The following SNTG2 variants were observed in gnomAD, a reference collection of about 807,000 sequenced individuals.
SNTG2 encodes the protein gamma-2-syntrophin.
A neutral mutation model predicts 70.9 loss-of-function variants in SNTG2; 74 were observed. The ratio of observed to expected loss-of-function variants is 1.04; its 90% CI spans 0.86 to 1.27. The LOEUF (loss-of-function observed/expected upper bound fraction) is 1.27, where lower values mean the gene tolerates loss of function less well. Among genes scored for constraint, SNTG2 ranks in the 50% most tolerant of loss-of-function variants. SNTG2 has a pLI of 0.00. For missense variants in SNTG2, 717 were observed against 690.7 expected (o/e 1.04, Z -0.43); for synonymous variants, 278 against 273.8 (o/e 1.02, Z -0.15).
chr2:1,033,361 A>G (rs955403146), intron 1 of SNTG2, among the ~76,000 whole-genome samples: 1 of 152,158 alleles, frequency 6.6e-6, no homozygotes, highest in African/African-American at 2.4e-5. Flanking sequence ...GTTGCTGGTC[A>G]GATCCAATTC....
At chr2:1,149,030 C>T (rs890572439) in intron 6 of SNTG2, among the ~76,000 whole-genome samples, 1 of 152,154 alleles carries the variant, frequency 6.6e-6, no homozygotes, top group Non-Finnish European at 1.5e-5. Context: ...GAGTGTACCC[C>T]AGGGTTACAA....
At chr2:1,103,347 T>G (rs989886059) in intron 4 of SNTG2, 3 of 274,374 alleles carry the variant, frequency 1.1e-5, no homozygotes, top group Non-Finnish European at 2.2e-5. Context: ...TTCAATTCAT[T>G]AACCTTTCAA....
intron 1 of SNTG2, among the ~76,000 whole-genome samples, chr2:1,021,936 C>CTTTTT (rs71392556): frequency 0.013 from 1,579 of 121,056 alleles, 40 homozygotes; most frequent in South Asian, 0.029. Context: ...GTTTTATGTG[C>CTTTTT]TTTTTTTTTT....
At chr2:1,362,910 G>T (rs1336756705) in intron 16 of SNTG2, among the ~76,000 whole-genome samples, 3 of 152,138 alleles carry the variant, frequency 2.0e-5, no homozygotes, top group Non-Finnish European at 4.4e-5. Context: ...CATTTCAGTA[G>T]AACTTCCACG....
chr2:1,002,873 T>G (rs1659445409), intron 1 of SNTG2, among the ~76,000 whole-genome samples: 1 of 151,102 alleles, frequency 6.6e-6, no homozygotes. Flanking sequence ...AATGACTAGG[T>G]AAAGAAAATG....
At chr2:1,142,325 T>C (rs1668809873) in intron 6 of SNTG2, among the ~76,000 whole-genome samples, 1 of 152,168 alleles carries the variant, frequency 6.6e-6, no homozygotes, top group Admixed American at 6.5e-5. Flanking sequence ...ACGCACCTGA[T>C]CTGAAGGTTC....
intron 4 of SNTG2, among the ~76,000 whole-genome samples, chr2:1,134,904 G>GC (rs1293506504): frequency 6.6e-6 from 1 of 152,170 alleles, no homozygotes; most frequent in East Asian, 1.9e-4. Context: ...GAAATCAAGC[G>GC]CAACACCGGT....
intron 1 of SNTG2, among the ~76,000 whole-genome samples, chr2:998,709 A>G (rs1157352030): frequency 6.6e-6 from 1 of 152,162 alleles, no homozygotes; most frequent in African/African-American, 2.4e-5. Flanking sequence ...TTTGGAAAAC[A>G]TATCTGAGGA....
intron 1 of SNTG2, among the ~76,000 whole-genome samples, chr2:975,505 A>G (rs1660881441): frequency 6.6e-6 from 1 of 152,254 alleles, no homozygotes; most frequent in Non-Finnish European, 1.5e-5. Flanking sequence ...TGGGGCAAGG[A>G]GTATTGAGTA....
chr2:1,171,844 G>A (rs764677817), intron 7 of SNTG2, among the ~76,000 whole-genome samples: 4 of 152,144 alleles, frequency 2.6e-5, no homozygotes, highest in Non-Finnish European at 5.9e-5. Context: ...CTCGCTGAAC[G>A]TTGCACATCA....
At chr2:1,015,230 A>G (rs1032344788) in intron 1 of SNTG2, among the ~76,000 whole-genome samples, 8 of 152,176 alleles carry the variant, frequency 5.3e-5, no homozygotes, top group African/African-American at 1.7e-4. Context: ...TCAGATGCAA[A>G]GAAGTAAATG....
intron 1 of SNTG2, among the ~76,000 whole-genome samples, chr2:951,951 T>C (rs1659984569): frequency 6.6e-6 from 1 of 152,148 alleles, no homozygotes; most frequent in East Asian, 1.9e-4. Flanking sequence ...GGAGAGACGG[T>C]TCAGAAGGCC....
intron 8 of SNTG2, among the ~76,000 whole-genome samples, chr2:1,173,658 A>G (rs1671275539): frequency 6.6e-6 from 1 of 152,272 alleles, no homozygotes. Context: ...TCCCTGGGAC[A>G]TGGGGCTCCC....
intron 9 of SNTG2, among the ~76,000 whole-genome samples, chr2:1,237,299 T>C (rs914966893): frequency 3.3e-5 from 5 of 152,218 alleles, no homozygotes; most frequent in African/African-American, 1.2e-4. Flanking sequence ...CATTTCTCTT[T>C]TGCAAATAGG....
At chr2:979,171 T>C (rs62106767) in intron 1 of SNTG2, among the ~76,000 whole-genome samples, 11,640 of 152,290 alleles carry the variant, frequency 0.076, 673 homozygotes, top group South Asian at 0.21. Context: ...ACAGCTGGTA[T>C]ACTGGCTTTT....
chr2:1,302,839 C>A (rs955274196), intron 14 of SNTG2, among the ~76,000 whole-genome samples: 4 of 151,936 alleles, frequency 2.6e-5, no homozygotes, highest in African/African-American at 9.7e-5. Context: ...GCAAGAGTAG[C>A]CCTATTATCA....
intron 4 of SNTG2, among the ~76,000 whole-genome samples, chr2:1,103,073 C>A (rs151257547): frequency 6.6e-6 from 1 of 152,142 alleles, no homozygotes; most frequent in Non-Finnish European, 1.5e-5. Context: ...ACCTCACACT[C>A]CTCACAGGGG....
At chr2:1,306,156 T>G (rs145623740) in intron 14 of SNTG2, among the ~76,000 whole-genome samples, 394 of 152,312 alleles carry the variant, frequency 2.6e-3, no homozygotes, top group African/African-American at 8.8e-3. Flanking sequence ...AGCTGGCTGG[T>G]ACTGTGCTTT....
intron 2 of SNTG2, among the ~76,000 whole-genome samples, chr2:1,091,627 C>G (rs1014938504): frequency 4.6e-5 from 7 of 152,140 alleles, no homozygotes; most frequent in African/African-American, 1.7e-4. Flanking sequence ...TTTTGTCATT[C>G]CTGGCCTGTG....
Sources: gnomAD v4.1 joint callset for allele counts (sites outside exome capture counted in the v4.1 genomes callset) on GRCh38, gnomAD v4.1.1 for gene constraint, MANE v1.5 for transcripts, NCBI Gene and HGNC (gene_info 2026-07-23, HGNC 2026-07-21) for gene names.